Variants in NR3C2 observed in about 807,000 individuals in gnomAD.
The protein encoded by NR3C2 is mineralocorticoid receptor.
Under a neutral mutation model 86.4 loss-of-function variants are expected in NR3C2, and 15 were observed. That is an observed-to-expected ratio of 0.17 (90% CI 0.12 to 0.27). The LOEUF (loss-of-function observed/expected upper bound fraction) is 0.27, where lower values mean the gene tolerates loss of function less well. Ranked by LOEUF, NR3C2 falls within the 10% of genes least tolerant of loss-of-function variation. The pLI, the probability that NR3C2 is intolerant of heterozygous loss-of-function variation, is 1.00. For synonymous variants in NR3C2, 458 were observed against 450.5 expected (o/e 1.02, Z -0.21); for missense variants, 960 against 1,195.6 (o/e 0.80, Z 2.91).
intron 7 of NR3C2, among the ~76,000 whole-genome samples, chr4:148,119,646 T>C (rs566971890): frequency 6.6e-5 from 10 of 151,858 alleles, no homozygotes; most frequent in Non-Finnish European, 1.3e-4. Flanking sequence ...ATTAGCTGGG[T>C]ATGGTGGTGC....
At chr4:148,114,540 A>G (rs1306656394) in intron 7 of NR3C2, among the ~76,000 whole-genome samples, 2 of 152,148 alleles carry the variant, frequency 1.3e-5, no homozygotes, top group Non-Finnish European at 2.9e-5. Flanking sequence ...TTCTCATTTT[A>G]CAGATGAGGA....
chr4:148,097,067 T>C (rs1401415465), intron 8 of NR3C2, among the ~76,000 whole-genome samples: 5 of 152,220 alleles, frequency 3.3e-5, no homozygotes, highest in African/African-American at 4.8e-5. Context: ...TTAAGTGATA[T>C]GGTGGTACTT....
At chr4:148,141,949 G>T (rs1198349362) in intron 6 of NR3C2, among the ~76,000 whole-genome samples, 1 of 152,130 alleles carries the variant, frequency 6.6e-6, no homozygotes, top group Non-Finnish European at 1.5e-5. Flanking sequence ...GGGGACCGCT[G>T]CTATAGAGTG....
At chr4:148,169,611 G>A (rs564978952) in intron 4 of NR3C2, among the ~76,000 whole-genome samples, 1 of 151,916 alleles carries the variant, frequency 6.6e-6, no homozygotes, top group South Asian at 2.1e-4. Flanking sequence ...ACTACTAAAA[G>A]CTATGGCTAT....
At chr4:148,157,563 A>G (rs145026115) in intron 4 of NR3C2, among the ~76,000 whole-genome samples, 27 of 152,084 alleles carry the variant, frequency 1.8e-4, no homozygotes, top group African/African-American at 6.0e-4. Flanking sequence ...GGGAGGTGGG[A>G]AGGTTGGGAG....
chr4:148,178,308 G>A (rs1735475619), intron 4 of NR3C2, among the ~76,000 whole-genome samples: 1 of 151,780 alleles, frequency 6.6e-6, no homozygotes, highest in African/African-American at 2.4e-5. Context: ...TCCAGCCTGG[G>A]CAACAGAGTG....
intron 2 of NR3C2, among the ~76,000 whole-genome samples, chr4:148,343,063 CTGACTCCACA>C (rs1290079604): frequency 3.3e-5 from 5 of 152,182 alleles, no homozygotes; most frequent in Non-Finnish European, 5.9e-5. Context: ...TGAAATTCAT[CTGACTCCACA>C]ATAATTATTA....
At chr4:148,245,602 G>A (rs772031029) in intron 3 of NR3C2, among the ~76,000 whole-genome samples, 5 of 152,062 alleles carry the variant, frequency 3.3e-5, no homozygotes, top group Non-Finnish European at 7.4e-5. Flanking sequence ...ACTGTAAATG[G>A]TGACACTGGA....
intron 2 of NR3C2, among the ~76,000 whole-genome samples, chr4:148,357,172 G>C (rs1047947301): frequency 6.6e-6 from 1 of 152,090 alleles, no homozygotes; most frequent in Non-Finnish European, 1.5e-5. Flanking sequence ...ACATGTGGAG[G>C]AAAATCCTTA....
chr4:148,162,967 T>C (rs1291221970), intron 4 of NR3C2, among the ~76,000 whole-genome samples: 1 of 152,220 alleles, frequency 6.6e-6, no homozygotes, highest in Non-Finnish European at 1.5e-5. Flanking sequence ...TGCGGTTGAC[T>C]TATTCCAGAG....
chr4:148,421,557 A>G (rs922415026), intron 2 of NR3C2, among the ~76,000 whole-genome samples: 2 of 152,222 alleles, frequency 1.3e-5, no homozygotes, highest in African/African-American at 2.4e-5. Flanking sequence ...CATGGATTCA[A>G]CGCCTGGAAA....
intron 2 of NR3C2, among the ~76,000 whole-genome samples, chr4:148,338,814 A>G (rs1744614333): frequency 6.6e-6 from 1 of 152,230 alleles, no homozygotes; most frequent in Non-Finnish European, 1.5e-5. Flanking sequence ...AAAGTTAGGA[A>G]TTAATTTAAT....
intron 2 of NR3C2, among the ~76,000 whole-genome samples, chr4:148,285,456 C>A (rs1364803641): frequency 6.6e-6 from 1 of 152,162 alleles, no homozygotes; most frequent in Non-Finnish European, 1.5e-5. Flanking sequence ...TGCCTGTAAT[C>A]CCAGCACTTT....
At chr4:148,253,667 T>C (rs560492590) in intron 3 of NR3C2, among the ~76,000 whole-genome samples, 1 of 152,318 alleles carries the variant, frequency 6.6e-6, no homozygotes, top group South Asian at 2.1e-4. Flanking sequence ...GAATGTCCCA[T>C]AGGTACTTCA....
intron 2 of NR3C2, among the ~76,000 whole-genome samples, chr4:148,319,994 G>A (rs1281102417): frequency 4.7e-5 from 7 of 147,530 alleles, no homozygotes; most frequent in Non-Finnish European, 8.9e-5. Context: ...TGCCCATTCA[G>A]TATGATATTG....
At chr4:148,173,813 C>G (rs1269124915) in intron 4 of NR3C2, among the ~76,000 whole-genome samples, 1 of 152,190 alleles carries the variant, frequency 6.6e-6, no homozygotes, top group African/African-American at 2.4e-5. Flanking sequence ...ACCAGCAGTG[C>G]TGACACAGCA....
rs151021437 is a variant in NR3C2 at position 148,283,904 on chromosome 4, C to A, written c.1758-23787G>T. 4.4e-3 allele frequency among the ~76,000 whole-genome samples: 674 copies of A among 152,304 alleles called. 2 individuals carry two copies. The highest frequency in any genetic ancestry group is 0.014 in the African/African-American group (570 of 41,562). ...GAACTCTTTCATAACACACAGGAGA[C>A]AACTGAGACTGCGAGTGATTACCAG... On this transcript the variant is annotated intron_variant, in intron 2 of 8. Transcript: ENST00000358102.
At chr4:148,354,937 A>C (rs1745479742) in intron 2 of NR3C2, among the ~76,000 whole-genome samples, 1 of 152,190 alleles carries the variant, frequency 6.6e-6, no homozygotes, top group Non-Finnish European at 1.5e-5. Context: ...GAAAGTAATA[A>C]GTGATTTCAT....
intron 2 of NR3C2, among the ~76,000 whole-genome samples, chr4:148,327,691 C>G (rs1489789498): frequency 6.6e-6 from 1 of 152,192 alleles, no homozygotes; most frequent in African/African-American, 2.4e-5. Context: ...CATGCTGTCA[C>G]AGCAAGCAAA....
Sources: gnomAD v4.1 joint callset for allele counts (sites outside exome capture counted in the v4.1 genomes callset) on GRCh38, gnomAD v4.1.1 for gene constraint, MANE v1.5 for transcripts, NCBI Gene and HGNC (gene_info 2026-07-23, HGNC 2026-07-21) for gene names.